NAALADL2: variants seen among roughly 807,000 people sequenced by gnomAD.
NAALADL2 encodes the protein N-acetylated alpha-linked acidic dipeptidase like 2, also known as inactive N-acetylated-alpha-linked acidic dipeptidase-like protein 2.
NAALADL2 carries 76 observed loss-of-function variants against 87.2 expected under a neutral mutation model. That is an observed-to-expected ratio of 0.87 (90% CI 0.72 to 1.05). The LOEUF (loss-of-function observed/expected upper bound fraction) is 1.05. Among genes scored for constraint, NAALADL2 ranks in the 50% least tolerant of loss-of-function variants. The pLI is 0.00. For synonymous variants in NAALADL2, 354 were observed against 331.0 expected, an observed-to-expected ratio of 1.07 and a Z score of -0.75; for missense variants, 1,089 against 945.8, an observed-to-expected ratio of 1.15 and a Z score of -1.99.
At chr3:175,036,751 T>C (rs1464738541) in intron 1 of NAALADL2, among the ~76,000 whole-genome samples, 1 of 151,980 alleles carries the variant, frequency 6.6e-6, no homozygotes, top group Admixed American at 6.6e-5. Context: ...AAATATTTTA[T>C]TGTTTTTCCT....
At chr3:174,631,583 T>C (rs1722120178) in intron 2 of NAALADL2, among the ~76,000 whole-genome samples, 1 of 152,186 alleles carries the variant, frequency 6.6e-6, no homozygotes, top group Admixed American at 6.5e-5. Flanking sequence ...GAAAATGGAA[T>C]TGCTTGATTT....
At chr3:175,738,222 T>C (rs1020487825) in intron 12 of NAALADL2, among the ~76,000 whole-genome samples, 1 of 152,046 alleles carries the variant, frequency 6.6e-6, no homozygotes, top group Non-Finnish European at 1.5e-5. Context: ...AAGCCAGATA[T>C]CTCCAATAGC....
chr3:174,677,679 A>G (rs1727166301), intron 2 of NAALADL2, among the ~76,000 whole-genome samples: 1 of 152,092 alleles, frequency 6.6e-6, no homozygotes, highest in African/African-American at 2.4e-5. Context: ...CTGTTTAAAG[A>G]GTTGTTAATT....
At chr3:174,783,518 A>C (rs925242725) in intron 3 of NAALADL2, among the ~76,000 whole-genome samples, 1 of 152,178 alleles carries the variant, frequency 6.6e-6, no homozygotes, top group African/African-American at 2.4e-5. Context: ...TGTACTTGAT[A>C]CAATCAAATA....
intron 10 of NAALADL2, among the ~76,000 whole-genome samples, chr3:175,602,980 T>C (rs1221507596): frequency 6.6e-6 from 1 of 152,192 alleles, no homozygotes; most frequent in Non-Finnish European, 1.5e-5. Context: ...TCTTGAAATA[T>C]GTCAGAGTAT....
chr3:175,667,262 A>AAGGAAGG (rs1733313066), intron 11 of NAALADL2, among the ~76,000 whole-genome samples: 3 of 144,134 alleles, frequency 2.1e-5, no homozygotes, highest in African/African-American at 5.6e-5. Context: ...AGAAAGAAAG[A>AAGGAAGG]AAGGAAGGAA....
At chr3:175,566,012 T>C (rs1198618986) in intron 9 of NAALADL2, among the ~76,000 whole-genome samples, 1 of 151,932 alleles carries the variant, frequency 6.6e-6, no homozygotes, top group African/African-American at 2.4e-5. Context: ...GTATTTTTAG[T>C]AAAGATGGGG....
intron 6 of NAALADL2, among the ~76,000 whole-genome samples, chr3:175,451,406 T>C (rs1363258976): frequency 6.6e-6 from 1 of 152,158 alleles, no homozygotes; most frequent in Non-Finnish European, 1.5e-5. Flanking sequence ...ATTGATTAGA[T>C]AATTGGATAC....
At chr3:174,676,082 C>A (rs1469962899) in intron 2 of NAALADL2, among the ~76,000 whole-genome samples, 1 of 151,964 alleles carries the variant, frequency 6.6e-6, no homozygotes, top group Admixed American at 6.6e-5. Flanking sequence ...AAGTTGATAG[C>A]CACTTTGGTT....
intron 3 of NAALADL2, among the ~76,000 whole-genome samples, chr3:174,830,877 T>G (rs1429457393): frequency 6.6e-6 from 1 of 151,884 alleles, no homozygotes; most frequent in Admixed American, 6.6e-5. Flanking sequence ...CAATTGTGAA[T>G]GGGAGTTCAC....
At chr3:175,590,711 G>C (rs2149602257) in intron 10 of NAALADL2, among the ~76,000 whole-genome samples, 1 of 152,178 alleles carries the variant, frequency 6.6e-6, no homozygotes, top group Non-Finnish European at 1.5e-5. Context: ...CCACTATATT[G>C]ATTCAATCTA....
chr3:174,923,037 T>C lies in NAALADL2; in HGVS notation c.43+63587T>C, dbSNP rs1351113813. The stretch of plus-strand genomic sequence containing the variant: ...AACCTGAAGTTGGAGTTTCTAAATG[T>C]CATTCTACAAAAAAAGGAACAAGGC... On this transcript the variant is annotated intron_variant, in intron 1 of 13. Transcript: ENST00000454872. Among the ~76,000 whole-genome samples, 4 of 152,232 alleles carry C rather than the reference T, an allele frequency of 2.6e-5. No individual in the cohort carries two copies. In the East Asian group the frequency reaches 7.7e-4, roughly 29 times the overall value.
At chr3:175,113,320 G>A (rs1052893347) in intron 2 of NAALADL2, among the ~76,000 whole-genome samples, 2 of 151,540 alleles carry the variant, frequency 1.3e-5, no homozygotes, top group East Asian at 1.9e-4. Context: ...TGCTGGTAGA[G>A]CATCTGTGCA....
intron 2 of NAALADL2, among the ~76,000 whole-genome samples, chr3:175,111,924 C>A (rs1277092425): frequency 6.6e-6 from 1 of 151,626 alleles, no homozygotes; most frequent in African/African-American, 2.4e-5. Flanking sequence ...TGCCTGGGAT[C>A]AAATCCCAAC....
At chr3:175,509,031 G>A (rs1440767664) in intron 9 of NAALADL2, among the ~76,000 whole-genome samples, 6 of 151,698 alleles carry the variant, frequency 4.0e-5, no homozygotes, top group South Asian at 2.1e-4. Context: ...CAGGAGAATC[G>A]CTTGAACCCA....
At chr3:175,554,502 C>T (rs566452840) in intron 9 of NAALADL2, among the ~76,000 whole-genome samples, 46 of 151,984 alleles carry the variant, frequency 3.0e-4, no homozygotes, top group Admixed American at 5.9e-4. Context: ...ATAATATATT[C>T]AGAAAGTATA....
intron 10 of NAALADL2, among the ~76,000 whole-genome samples, chr3:175,590,712 A>T (rs4634128): frequency 0.88 from 134,270 of 151,834 alleles, 59,655 homozygotes; most frequent in Admixed American, 0.94. Flanking sequence ...CACTATATTG[A>T]TTCAATCTAC....
intron 2 of NAALADL2, among the ~76,000 whole-genome samples, chr3:175,232,034 T>A (rs1207090555): frequency 6.6e-6 from 1 of 151,934 alleles, no homozygotes; most frequent in Non-Finnish European, 1.5e-5. Flanking sequence ...AGAATATAAT[T>A]CTTCTCACCA....
rs574032418 is a variant in NAALADL2, at chr3:174,785,484, C to G, written c.-9+47738C>G. 3.6e-4 allele frequency among the ~76,000 whole-genome samples: 55 copies of G among 152,266 alleles called. No homozygotes were observed. The South Asian group carries it at 0.011, about 32-fold the overall frequency. ...CGACTTTATTTCTGGGTTCTCTATTCTATTCCATTGCTCTATGTGTCTGTT... is the reference window on the plus strand; with the variant it reads ...CGACTTTATTTCTGGGTTCTCTATTGTATTCCATTGCTCTATGTGTCTGTT... On this transcript the variant is annotated intron_variant, in intron 3 of 3. Coordinates refer to the NAALADL2 transcript ENST00000434257.
Sources: allele counts gnomAD v4.1 joint callset (sites outside exome capture counted in the v4.1 genomes callset), GRCh38; gene constraint gnomAD v4.1.1; transcripts MANE v1.5; gene names NCBI Gene and HGNC (gene_info 2026-07-23, HGNC 2026-07-21).